Variants in TPCN1 observed in about 807,000 individuals in gnomAD.
TPCN1 encodes the protein two pore segment channel 1, also known as two pore channel protein 1.
In TPCN1, 52 loss-of-function variants were observed where a neutral mutation model predicts 108.8. That is an observed-to-expected ratio of 0.48 (90% CI 0.38 to 0.60). TPCN1 has a LOEUF of 0.60. Ranked by LOEUF, TPCN1 falls within the 20% of genes least tolerant of loss-of-function variation. The probability of loss-of-function intolerance (pLI) is 0.00; values close to 1 mark genes in which losing one functional copy is unlikely to be tolerated. For missense variants in TPCN1, 806 were observed against 1,072.8 expected, an observed-to-expected ratio of 0.75 and a Z score of 3.47; for synonymous variants, 446 against 433.7, an observed-to-expected ratio of 1.03 and a Z score of -0.35.
At chr12:113,287,350 G>C in intron 19 of TPCN1, 1 of 489,616 alleles carries the variant, frequency 2.0e-6, no homozygotes. Flanking sequence ...CACCCCACCT[G>C]AGGTGGCATT....
chr12:113,285,128 C>G (rs945874486), intron 17 of TPCN1, among the ~76,000 whole-genome samples: 4 of 152,240 alleles, frequency 2.6e-5, no homozygotes, highest in African/African-American at 9.6e-5. Flanking sequence ...TGGTGTCTTC[C>G]TCTAACCTCT....
Position 113,292,984 on chromosome 12 carries a change from G to A in TPCN1, c.2164G>A (p.Ala722Thr), listed in dbSNP as rs746567991. Reference protein sequence around the residue: ...EKEISKEELVAVLELYREARG... With the variant: ...EKEISKEELVTVLELYREARG... ...GGAAATCTCCAAAGAAGAGCTGGTT[G>A]CCGTCCTGGAGCTCTACCGGGAGGC... Residue 722 changes from alanine to threonine, a missense_variant, in exon 26 of 28, where the codon GCC becomes ACC. Coordinates refer to ENST00000335509, the MANE Select transcript of TPCN1 (RefSeq NM_017901.6). 3 of 1,613,210 alleles carry A rather than the reference G, an allele frequency of 1.9e-6. No homozygotes were observed. The highest frequency in any genetic ancestry group is 1.7e-5 in the Admixed American group (1 of 60,006).
Position 113,289,914 on chromosome 12 carries a change from G to A in TPCN1, c.1797-214G>A. 1.9e-6 allele frequency: 1 copy of A among 513,402 alleles called. No individual in the cohort carries two copies. The highest frequency in any genetic ancestry group is 2.7e-5 in the South Asian group (1 of 37,720). The allele number at this position is 513,402 out of a possible 1,614,324, so 31.8% of individuals were successfully genotyped here. ...GACAGAGGTGGGTCAGGCTGGCCAGGGGATCCCGCCAAGCCCAGCAGGCAG... is the reference window on the plus strand; with the variant it reads ...GACAGAGGTGGGTCAGGCTGGCCAGAGGATCCCGCCAAGCCCAGCAGGCAG... On this transcript the variant is annotated intron_variant, in intron 21 of 27. Coordinates refer to ENST00000335509, the MANE Select transcript of TPCN1 (RefSeq NM_017901.6). This position sits in a 1 kb window ranked among gnomAD's most constrained non-coding sequence, Gnocchi z 4.1.
intron 3 of TPCN1, among the ~76,000 whole-genome samples, chr12:113,263,473 T>C (rs1955123032): frequency 6.6e-6 from 1 of 152,324 alleles, no homozygotes; most frequent in South Asian, 2.1e-4. Context: ...GTTGGTCAGG[T>C]TGGTCTCAAA....
chr12:113,282,952 C>T (rs958065833), intron 15 of TPCN1, among the ~76,000 whole-genome samples: 2 of 151,886 alleles, frequency 1.3e-5, no homozygotes, highest in Non-Finnish European at 2.9e-5. Context: ...CCATGCACGC[C>T]TGTGGTCCCA....
In TPCN1 at chr12:113,278,292, G is replaced by A. The variant is rs537324809; in HGVS notation, c.1233+55G>A. On this transcript the variant is annotated intron_variant, in intron 13 of 27. Transcript: ENST00000335509. ...GTAGACAGAGAGGTCCCCACGTGGG[G>A]CAGTGAGGAGCAGGGGCACCCCGAG... is the stretch of plus-strand genomic sequence containing the variant. 2.6e-5 allele frequency: 39 copies of A among 1,494,818 alleles called. No homozygotes were observed. The African/African-American group carries it at 5.0e-4, about 19-fold the overall frequency. The allele number at this position is 1,494,818 out of a possible 1,614,324, so 92.6% of individuals were successfully genotyped here.
chr12:113,244,052 C>T (rs975110935), intron 2 of TPCN1, among the ~76,000 whole-genome samples: 3 of 152,238 alleles, frequency 2.0e-5, no homozygotes, highest in African/African-American at 7.2e-5. Context: ...CGCTTCCTTG[C>T]CCCATCCCCT....
At chr12:113,270,913 A>C (rs1955473069) in intron 7 of TPCN1, among the ~76,000 whole-genome samples, 1 of 152,220 alleles carries the variant, frequency 6.6e-6, no homozygotes, top group African/African-American at 2.4e-5. Context: ...GATTAGGGGC[A>C]GGGGACACAA....
chr12:113,279,676 T>C (rs1955823821), intron 14 of TPCN1, among the ~76,000 whole-genome samples: 1 of 151,948 alleles, frequency 6.6e-6, no homozygotes, highest in African/African-American at 2.4e-5. Flanking sequence ...AGGCCTGGGA[T>C]TACAGGCGTG....
intron 2 of TPCN1, among the ~76,000 whole-genome samples, chr12:113,240,143 G>T (rs1452816315): frequency 6.6e-6 from 1 of 152,170 alleles, no homozygotes; most frequent in South Asian, 2.1e-4. Flanking sequence ...TCAACAGGGC[G>T]CAGATTTTAT....
chr12:113,260,254 A>G, intron 2 of TPCN1, 114 bp from the exon 3 acceptor site: 1 of 1,200,270 alleles, frequency 8.3e-7, no homozygotes, highest in African/African-American at 1.6e-5. Context: ...TTTGAAGATG[A>G]CGGGATGTCC....
Position 113,288,983 on chromosome 12 carries a change from A to G in TPCN1, c.1796+136A>G. The stretch of plus-strand genomic sequence containing the variant: ...TAAGCAACCACCTTGCTTTGCTTTC[A>G]GGGCTTAGTTGAGTGCAGTGAGCTA... On this transcript the variant is annotated intron_variant, in intron 21 of 27. Coordinates refer to ENST00000335509, the MANE Select transcript of TPCN1 (RefSeq NM_017901.6). This position sits in a 1 kb window ranked among gnomAD's most constrained non-coding sequence, Gnocchi z 4.8. 5.9e-6 allele frequency: 5 copies of G among 854,474 alleles called. No homozygotes were observed. In the South Asian group the frequency reaches 7.4e-5, roughly 13 times the overall value. The allele number at this position is 854,474 out of a possible 1,614,324, so 52.9% of individuals were successfully genotyped here.
chr12:113,264,552 G>A (rs1955173612), intron 3 of TPCN1, among the ~76,000 whole-genome samples: 1 of 151,914 alleles, frequency 6.6e-6, no homozygotes, highest in Non-Finnish European at 1.5e-5. Context: ...GGTGGTGCAC[G>A]CCTGTCATTC....
In TPCN1 at chr12:113,290,819, C is replaced by T. The variant is rs114621538; in HGVS notation, c.1913-133C>T. 4.9e-3 allele frequency: 4,054 copies of T among 830,868 alleles called. 86 individuals carry two copies. In the African/African-American group the frequency reaches 0.057, roughly 12 times the overall value. The allele number at this position is 830,868 out of a possible 1,614,324, so 51.5% of individuals were successfully genotyped here. A position where few individuals can be genotyped will look rare whatever the true frequency, so the allele number is the denominator to read the frequency against. On this transcript the variant is annotated intron_variant, in intron 22 of 27. Transcript: ENST00000335509. ...GCCTTGCCTGGTCTTTCCTGGAGCT[C>T]ACAACCCAAGCGGTCATATGGTGAC...
At chr12:113,278,920 G>A in intron 14 of TPCN1, 85 bp downstream of exon 14, 2 of 1,214,614 alleles carry the variant, frequency 1.6e-6, no homozygotes, top group Non-Finnish European at 1.2e-6. Flanking sequence ...CTGAGGAGAG[G>A]TTCAGAGGGG....
intron 12 of TPCN1, among the ~76,000 whole-genome samples, chr12:113,277,752 T>C (rs7955400): frequency 0.11 from 16,620 of 152,036 alleles, 1,062 homozygotes; most frequent in East Asian, 0.21. Flanking sequence ...TCTCCAGGGG[T>C]AGGATTGGTC....
chr12:113,233,086 C>G (rs1035071425), intron 2 of TPCN1, among the ~76,000 whole-genome samples: 14 of 152,138 alleles, frequency 9.2e-5, no homozygotes, highest in Admixed American at 3.9e-4. Flanking sequence ...GCATGCTGGG[C>G]GAGAGCCTTG....
rs559065873 is a variant in TPCN1 at position 113,272,735 on chromosome 12, G to A, written c.783+43G>A. On this transcript the variant is annotated intron_variant, in intron 8 of 27. Transcript: ENST00000335509. The surrounding 1 kb of genome is among the most constrained non-coding windows in gnomAD (Gnocchi z 4.1). ...TTGTCCGTCTCTTCTTTTATGGAGG[G>A]CTTTTCCCTCAGACAGGGTCACCGG... 1.2e-5 allele frequency: 19 copies of A among 1,597,686 alleles called. No individual in the cohort carries two copies. The African/African-American group carries it at 2.0e-4, about 17-fold the overall frequency.
intron 7 of TPCN1, among the ~76,000 whole-genome samples, chr12:113,270,090 G>A (rs747416734): frequency 1.3e-5 from 2 of 152,048 alleles, no homozygotes; most frequent in East Asian, 1.9e-4. Flanking sequence ...CAGCTGCTTC[G>A]GAGGCTGAGG....
Sources: gnomAD v4.1 joint callset for allele counts (sites outside exome capture counted in the v4.1 genomes callset) on GRCh38, gnomAD v4.1.1 for gene constraint, Gnocchi (gnomAD v3.1) non-coding constraint, MANE v1.5 for transcripts, NCBI Gene and HGNC (gene_info 2026-07-23, HGNC 2026-07-21) for gene names.